ARSB: variants seen among roughly 807,000 people sequenced by gnomAD.
The protein encoded by ARSB is arylsulfatase B.
Under a neutral mutation model 50.9 loss-of-function variants are expected in ARSB, and 41 were observed. The observed-to-expected ratio is 0.81, with a 90% confidence interval of 0.63 to 1.04. The LOEUF is 1.04. Ranked by LOEUF, ARSB falls within the 50% of genes least tolerant of loss-of-function variation. The pLI, the probability that ARSB is intolerant of heterozygous loss-of-function variation, is 0.00. For synonymous variants in ARSB, 269 were observed against 284.8 expected, an observed-to-expected ratio of 0.94 and a Z score of 0.56; for missense variants, 672 against 693.3, an observed-to-expected ratio of 0.97 and a Z score of 0.35.
intron 5 of ARSB, among the ~76,000 whole-genome samples, chr5:78,851,624 T>C (rs1745789313): frequency 6.6e-6 from 1 of 152,198 alleles, no homozygotes; most frequent in African/African-American, 2.4e-5. Context: ...TTGTTAACTT[T>C]CTGTCTCATT....
chr5:78,963,925 G>T (rs1289352906), intron 3 of ARSB, among the ~76,000 whole-genome samples: 2 of 152,154 alleles, frequency 1.3e-5, no homozygotes, highest in Non-Finnish European at 2.9e-5. Flanking sequence ...TTGTAGGGAG[G>T]AAGTACAAGG....
At chr5:78,880,275 G>C (rs1747689707) in intron 5 of ARSB, among the ~76,000 whole-genome samples, 1 of 152,194 alleles carries the variant, frequency 6.6e-6, no homozygotes. Context: ...ATGTGCATTT[G>C]TAATCCAAAA....
intron 4 of ARSB, among the ~76,000 whole-genome samples, chr5:78,924,533 C>T (rs1458596812): frequency 1.3e-5 from 2 of 152,226 alleles, no homozygotes; most frequent in Non-Finnish European, 2.9e-5. Flanking sequence ...CCCACCTTCT[C>T]CCTGTTCCCA....
At chr5:78,792,529 A>T (rs554129460) in intron 6 of ARSB, among the ~76,000 whole-genome samples, 1 of 152,372 alleles carries the variant, frequency 6.6e-6, no homozygotes, top group South Asian at 2.1e-4. Context: ...AATAGCCTTT[A>T]GAACAAGCTC....
At chr5:78,978,815 G>T (rs1156764135) in intron 1 of ARSB, among the ~76,000 whole-genome samples, 1 of 152,094 alleles carries the variant, frequency 6.6e-6, no homozygotes, top group Non-Finnish European at 1.5e-5. Context: ...ACCTCAAATT[G>T]TACATAAAAA....
chr5:78,952,904 T>A (rs1751549341), intron 4 of ARSB, among the ~76,000 whole-genome samples: 1 of 152,188 alleles, frequency 6.6e-6, no homozygotes. Context: ...GCTACACCAG[T>A]GTTACATGTC....
At chr5:78,808,050 G>A (rs1316531649) in intron 6 of ARSB, among the ~76,000 whole-genome samples, 1 of 113,952 alleles carries the variant, frequency 8.8e-6, no homozygotes, top group Non-Finnish European at 1.6e-5. Context: ...CCGAGATCCC[G>A]CCACTGCACT....
In ARSB at chr5:78,867,588, C is replaced by G. The variant is rs375769996; in HGVS notation, c.1142+17996G>C. Among the ~76,000 whole-genome samples the G allele has an allele frequency of 1.2e-4, 18 of 151,884 alleles. No individual in the cohort carries two copies. The East Asian group carries it at 1.6e-3, about 13-fold the overall frequency. On this transcript the variant is annotated intron_variant, in intron 5 of 7. Transcript: ENST00000264914. ...CACCTCACACGGCAGGGTATTCCAA[C>G]AGACCTGCAGCTGAGGGTCCTGTCT...
intron 5 of ARSB, 145 bp from the exon 6 acceptor site, chr5:78,839,571 C>T (rs143286943): frequency 3.3e-5 from 24 of 735,404 alleles, no homozygotes; most frequent in African/African-American, 2.3e-4. Flanking sequence ...TCCACAATCA[C>T]GGCTGGTGCA....
intron 6 of ARSB, among the ~76,000 whole-genome samples, chr5:78,802,939 G>T (rs903012024): frequency 1.3e-5 from 2 of 152,204 alleles, no homozygotes; most frequent in African/African-American, 2.4e-5. Context: ...CCTTGTGAAG[G>T]TCTCATAATG....
At position 78,982,000 on chromosome 5, in the gene ARSB, T is replaced by C. The variant is rs1340854318; in HGVS notation, c.312+2937A>G. On this transcript the variant is annotated intron_variant, in intron 1 of 7. Transcript: ENST00000264914. ...CTGCAGTGGCGCAATCTCGGCTCAC[T>C]GCAAGCTCCGCTTCCCGGGTTCACG... 7.7e-5 allele frequency among the ~76,000 whole-genome samples: 7 copies of C among 90,864 alleles called. 2 individuals carry two copies. In the East Asian group the frequency reaches 1.8e-3, roughly 24 times the overall value. 59.6% of individuals were successfully genotyped at this position (90,864 alleles called of 152,430 possible).
intron 4 of ARSB, among the ~76,000 whole-genome samples, chr5:78,934,497 T>TA (rs1750494554): frequency 6.6e-6 from 1 of 152,104 alleles, no homozygotes; most frequent in South Asian, 2.1e-4. Flanking sequence ...CTTTCAGAGT[T>TA]AAAAAATAGG....
At chr5:78,915,067 A>G (rs2112330620) in intron 4 of ARSB, among the ~76,000 whole-genome samples, 1 of 152,252 alleles carries the variant, frequency 6.6e-6, no homozygotes, top group East Asian at 1.9e-4. Flanking sequence ...CTTGTTCCTT[A>G]TGTGTGTATT....
chr5:78,862,715 C>T (rs1326127735), intron 5 of ARSB, among the ~76,000 whole-genome samples: 2 of 152,166 alleles, frequency 1.3e-5, no homozygotes, highest in Non-Finnish European at 2.9e-5. Context: ...ACGTCTAAAA[C>T]ACCAAAAGCA....
chr5:78,860,100 T>C (rs945591442), intron 5 of ARSB, among the ~76,000 whole-genome samples: 1 of 152,212 alleles, frequency 6.6e-6, no homozygotes, highest in Non-Finnish European at 1.5e-5. Context: ...GTATATTCTG[T>C]TGATTTGGGG....
chr5:78,823,188 A>C (rs1394434871), intron 6 of ARSB, among the ~76,000 whole-genome samples: 2 of 152,166 alleles, frequency 1.3e-5, no homozygotes, highest in Non-Finnish European at 2.9e-5. Context: ...GGAGGTGAGA[A>C]AACAGGTTCA....
chr5:78,882,865 C>A (rs1363627027), intron 5 of ARSB: 1 of 140,660 alleles, frequency 7.1e-6, no homozygotes, highest in Admixed American at 7.9e-5. Flanking sequence ...CTCACTGCAA[C>A]CTCCATCTCC....
chr5:78,949,373 T>C (rs1561521198), intron 4 of ARSB, among the ~76,000 whole-genome samples: 2 of 152,180 alleles, frequency 1.3e-5, no homozygotes, highest in Non-Finnish European at 2.9e-5. Flanking sequence ...CTTATCCTTA[T>C]AAAGAAGTAC....
chr5:78,808,479 T>G (rs971511494), intron 6 of ARSB, among the ~76,000 whole-genome samples: 1 of 152,202 alleles, frequency 6.6e-6, no homozygotes, highest in Non-Finnish European at 1.5e-5. Flanking sequence ...ACATGGTTTT[T>G]AAGCCACTTT....
Sources: allele counts gnomAD v4.1 joint callset (sites outside exome capture counted in the v4.1 genomes callset), GRCh38; gene constraint gnomAD v4.1.1; transcripts MANE v1.5; gene names NCBI Gene and HGNC (gene_info 2026-07-23, HGNC 2026-07-21).